Variants in NUP35 observed in about 807,000 individuals in gnomAD.
NUP35 encodes nucleoporin NUP35.
Under a neutral mutation model 41.5 loss-of-function variants are expected in NUP35, and 25 were observed. The ratio of observed to expected loss-of-function variants is 0.60; its 90% CI spans 0.44 to 0.84. The LOEUF is 0.84. NUP35 is among the 40% of genes least tolerant of loss of function. The pLI is 0.00. For synonymous variants in NUP35, 149 were observed against 130.7 expected (o/e 1.14, Z -0.96); for missense variants, 396 against 396.6 (o/e 1.00, Z 0.01).
chr2:183,150,954 T>C (rs1685450502), intron 4 of NUP35, among the ~76,000 whole-genome samples: 1 of 152,222 alleles, frequency 6.6e-6, no homozygotes, highest in Non-Finnish European at 1.5e-5. Flanking sequence ...ACTCAATTGG[T>C]GGCTGTTACT....
At chr2:183,118,386 G>T (rs1700017885) in intron 1 of NUP35, 2 of 152,120 alleles carry the variant, frequency 1.3e-5, no homozygotes, top group Admixed American at 6.6e-5. Context: ...ACATTTTGAA[G>T]ATCTCATTTT....
chr2:183,148,564 T>G (rs1382605574), intron 4 of NUP35, among the ~76,000 whole-genome samples: 1 of 152,206 alleles, frequency 6.6e-6, no homozygotes, highest in Non-Finnish European at 1.5e-5. Flanking sequence ...GTTGAGCATT[T>G]TTTCATATAC....
intron 4 of NUP35, among the ~76,000 whole-genome samples, chr2:183,138,265 ATATATTTTTTTTTTT>A (rs1263311007): frequency 5.8e-5 from 4 of 69,190 alleles, no homozygotes; most frequent in Non-Finnish European, 1.1e-4. Context: ...ATATATATAT[ATATATTTTTTTTTTT>A]TTTTAGCTCC....
At position 183,125,277 on chromosome 2, in the gene NUP35, C is replaced by CT. The variant is rs568816818; in HGVS notation, c.40+787dup. Among the ~76,000 whole-genome samples the CT allele has an allele frequency of 3.3e-5, 5 of 151,892 alleles. No homozygotes were observed. In the South Asian group the frequency reaches 6.2e-4, roughly 19 times the overall value. ...TACCACTTTAACAGCACGCGGATTT[C>CT]TTTTTTTCCTGCTGAGTTTTGCGAC... is the stretch of plus-strand genomic sequence containing the variant. On this transcript the variant is annotated intron_variant, in intron 1 of 8. Transcript: ENST00000295119.
At chr2:183,158,162 C>T (rs1286127439) in intron 6 of NUP35, 121 bp from the exon 7 acceptor site, 5 of 686,588 alleles carry the variant, frequency 7.3e-6, no homozygotes, top group African/African-American at 1.8e-5. Context: ...CAGCTTTTTA[C>T]AAGGCATCAA....
intron 4 of NUP35, among the ~76,000 whole-genome samples, chr2:183,141,295 A>G (rs758463401): frequency 1.2e-4 from 19 of 152,128 alleles, no homozygotes; most frequent in South Asian, 4.1e-4. Flanking sequence ...CACCTGGATA[A>G]TCTCCCCATC....
intron 5 of NUP35, among the ~76,000 whole-genome samples, chr2:183,153,865 C>T (rs930473466): frequency 1.5e-4 from 23 of 152,332 alleles, no homozygotes; most frequent in Admixed American, 1.1e-3. Context: ...ACTGCCCTAG[C>T]GGAGGTTCTC....
chr2:183,119,418 G>A (rs1395827342), intron 1 of NUP35, among the ~76,000 whole-genome samples: 2 of 152,164 alleles, frequency 1.3e-5, no homozygotes, highest in Non-Finnish European at 2.9e-5. Context: ...TTACAGCAAA[G>A]TGAGGTGAAG....
At chr2:183,139,329 C>G (rs1427752766) in intron 4 of NUP35, among the ~76,000 whole-genome samples, 1 of 151,932 alleles carries the variant, frequency 6.6e-6, no homozygotes, top group African/African-American at 2.4e-5. Context: ...ACCTCGACCT[C>G]CCATAGTGCT....
rs1458179788 is a variant in NUP35 at position 183,155,661 on chromosome 2, TC to T, written c.540-1781del. ...ATCATAGCTCACTGCAGCCTCCAAT[TC>T]CTGGCCTCAAGCAATCCTTCTACCT... On this transcript the variant is annotated intron_variant, in intron 5 of 8. Coordinates refer to ENST00000295119, the MANE Select transcript of NUP35 (RefSeq NM_138285.5). Among the ~76,000 whole-genome samples the T allele has an allele frequency of 1.2e-4, 18 of 151,832 alleles. 1 individual carries two copies. The highest frequency in any genetic ancestry group is 4.1e-4 in the African/African-American group (17 of 41,344).
chr2:183,138,265 ATATATTT>A (rs1684958766), intron 4 of NUP35, among the ~76,000 whole-genome samples: 1 of 69,190 alleles, frequency 1.4e-5, no homozygotes, highest in African/African-American at 7.6e-5. Flanking sequence ...ATATATATAT[ATATATTT>A]TTTTTTTTTT....
upstream of NUP35, among the ~76,000 whole-genome samples, chr2:183,121,243 G>C (rs999436044): frequency 6.6e-6 from 1 of 152,104 alleles, no homozygotes; most frequent in Admixed American, 6.5e-5. Context: ...TTTTATTTCG[G>C]AAGAGCATTA....
At chr2:183,124,007 A>C (rs573356464), upstream of NUP35, among the ~76,000 whole-genome samples, 8 of 152,202 alleles carry the variant, frequency 5.3e-5, no homozygotes, top group Non-Finnish European at 1.2e-4. Context: ...TTTGAGGAAA[A>C]AGCGTCATGT....
chr2:183,128,600 A>T (rs1575113179), intron 2 of NUP35, 143 bp downstream of exon 2: 2 of 39,998 alleles, frequency 5.0e-5, no homozygotes, highest in East Asian at 6.6e-4. Context: ...CTGATGAGCT[A>T]AAAAAAAAAA....
chr2:183,147,863 T>A (rs1685334066), intron 4 of NUP35, among the ~76,000 whole-genome samples: 1 of 152,210 alleles, frequency 6.6e-6, no homozygotes, highest in South Asian at 2.1e-4. Flanking sequence ...TTTGTAGTTC[T>A]CCTTGTAGAG....
upstream of NUP35, among the ~76,000 whole-genome samples, chr2:183,119,692 G>T (rs928446460): frequency 2.0e-5 from 3 of 152,014 alleles, no homozygotes; most frequent in East Asian, 3.9e-4. Flanking sequence ...TTTTTGGAGG[G>T]GGGTGGGCAG....
chr2:183,144,289 C>G lies in NUP35; in HGVS notation c.398-7219C>G, dbSNP rs79667471. On this transcript the variant is annotated intron_variant, in intron 4 of 8. Coordinates refer to ENST00000295119, the MANE Select transcript of NUP35 (RefSeq NM_138285.5). ...AAGCTCACTGGAGCATCTATGTCCACAGTTTTTATTGGAGTTTCATTACAT... is the reference window on the plus strand; with the variant it reads ...AAGCTCACTGGAGCATCTATGTCCAGAGTTTTTATTGGAGTTTCATTACAT... Among the ~76,000 whole-genome samples the G allele has an allele frequency of 2.9e-3, 441 of 152,278 alleles. 2 individuals are homozygous for G. Among genetic ancestry groups the G allele is most frequent in the African/African-American group, 0.01 (424 of 41,544 alleles).
At chr2:183,143,970 A>G (rs1163427537) in intron 4 of NUP35, among the ~76,000 whole-genome samples, 1 of 152,232 alleles carries the variant, frequency 6.6e-6, no homozygotes, top group Non-Finnish European at 1.5e-5. Flanking sequence ...CTAGCTGTTA[A>G]GTTTGGGATG....
upstream of NUP35, among the ~76,000 whole-genome samples, chr2:183,120,871 G>C (rs2705715): frequency 0.96 from 145,476 of 152,214 alleles, 69,545 homozygotes; most frequent in East Asian, 1. Flanking sequence ...GGTAGGTTGT[G>C]CAGCAAGCAT....
Sources: gnomAD v4.1 joint callset for allele counts (sites outside exome capture counted in the v4.1 genomes callset) on GRCh38, gnomAD v4.1.1 for gene constraint, MANE v1.5 for transcripts, NCBI Gene and HGNC (gene_info 2026-07-23, HGNC 2026-07-21) for gene names.